ARHGAP32: variants seen among roughly 807,000 people sequenced by gnomAD.
ARHGAP32 encodes the protein rho GTPase-activating protein 32.
In ARHGAP32, 51 loss-of-function variants were observed where a neutral mutation model predicts 186.5. The observed-to-expected ratio is 0.27, with a 90% CI of 0.22 to 0.35. The LOEUF is 0.35. Among genes scored for constraint, ARHGAP32 ranks in the 10% least tolerant of loss-of-function variants. ARHGAP32 has a pLI of 1.00. For missense variants in ARHGAP32, 2,186 were observed against 2,623.5 expected, an observed-to-expected ratio of 0.83 and a Z score of 3.64; for synonymous variants, 950 against 964.3, an observed-to-expected ratio of 0.99 and a Z score of 0.27.
intron 1 of ARHGAP32, among the ~76,000 whole-genome samples, chr11:129,239,680 C>A (rs77218366): frequency 0.014 from 2,090 of 152,242 alleles, 17 homozygotes; most frequent in Non-Finnish European, 0.019. Flanking sequence ...TCACTTCCCA[C>A]ATTGCTGCTA....
Position 128,998,204 on chromosome 11 carries a change from T to C in ARHGAP32, c.1195+115A>G, listed in dbSNP as rs1412007885. ...TACCTGAGAAAGCTTAGTACATGCA[T>C]TGAACTGAAATGAAACAGGTATCAT... is the stretch of plus-strand genomic sequence containing the variant. On this transcript the variant is annotated intron_variant, in intron 12 of 22. Coordinates refer to ENST00000682385, the MANE Select transcript of ARHGAP32 (RefSeq NM_001378024.1). The C allele has an allele frequency of 1.0e-5, 9 of 877,730 alleles. No individual in the cohort carries two copies. The South Asian group carries it at 1.1e-4, about 10-fold the overall frequency. 54.4% of individuals were successfully genotyped at this position (877,730 alleles called of 1,614,324 possible).
intron 20 of ARHGAP32, 88 bp from the exon 21 acceptor site, chr11:128,975,090 T>G: frequency 3.7e-6 from 4 of 1,067,396 alleles, no homozygotes; most frequent in Non-Finnish European, 5.4e-6. Context: ...AGCAGTAACT[T>G]ACTATCTAGG....
chr11:129,041,612 G>A (rs545389334), intron 10 of ARHGAP32, among the ~76,000 whole-genome samples: 1 of 152,120 alleles, frequency 6.6e-6, no homozygotes, highest in African/African-American at 2.4e-5. Flanking sequence ...AAGTAAGAGA[G>A]AAGAAAACAG....
chr11:129,195,112 G>A (rs1214735177), upstream of ARHGAP32, among the ~76,000 whole-genome samples: 2 of 152,006 alleles, frequency 1.3e-5, no homozygotes, highest in Admixed American at 1.3e-4. Flanking sequence ...GGGATTATAA[G>A]TGTGTGCCAC....
intron 10 of ARHGAP32, among the ~76,000 whole-genome samples, chr11:129,047,618 GA>G (rs1038875205): frequency 2.0e-4 from 28 of 143,474 alleles, no homozygotes; most frequent in Middle Eastern, 3.6e-3. Flanking sequence ...TACTGCTGGA[GA>G]AAAAAAAAAA....
Position 129,063,925 on chromosome 11 carries a change from C to T in ARHGAP32, c.862G>A (p.Ala288Thr). 6.2e-7 allele frequency: 1 copy of T among 1,611,460 alleles called. No individual in the cohort carries two copies. The highest frequency in any genetic ancestry group is 8.5e-7 in the Non-Finnish European group (1 of 1,178,900). The part of the protein sequence containing the change: ...AHVIKRYTAR[A>T]PDELTLEVGD... ...ACCTCTAAGGTCAGTTCGTCAGGGG[C>T]CCGAGCAGTGTACCTCTTGATAACA... The change falls in exon 9 of 23, where the codon GCC (alanine) becomes ACC (threonine). Residue 288 changes from alanine to threonine, a missense_variant. By Grantham distance (58) the Ala-to-Thr change is moderately conservative (BLOSUM62 0). Coordinates refer to ENST00000682385, the MANE Select transcript of ARHGAP32 (RefSeq NM_001378024.1).
intron 5 of ARHGAP32, among the ~76,000 whole-genome samples, chr11:129,100,054 C>A (rs1426001985): frequency 6.6e-6 from 1 of 152,170 alleles, no homozygotes; most frequent in Non-Finnish European, 1.5e-5. Flanking sequence ...CAGAGACCCC[C>A]CTTTGACCAC....
rs967971313 is a variant in ARHGAP32, at chr11:129,147,124, C to T, written c.225+17195G>A. The stretch of plus-strand genomic sequence containing the variant: ...TTGCACTTATTTATTCAGAGTGATG[C>T]TTTATTTTTTTAAATAGAAGAAAGA... On this transcript the variant is annotated intron_variant, in intron 2 of 22. Transcript: ENST00000682385. 1.8e-4 allele frequency among the ~76,000 whole-genome samples: 27 copies of T among 152,080 alleles called. No homozygotes were observed. In the South Asian group the frequency reaches 2.3e-3, roughly 13 times the overall value.
Position 128,978,822 on chromosome 11 carries a change from C to T in ARHGAP32, c.2070G>A (p.Lys690=), listed in dbSNP as rs1218715212. 6.2e-7 allele frequency: 1 copy of T among 1,613,202 alleles called. No individual in the cohort carries two copies. The highest frequency in any genetic ancestry group is 8.5e-7 in the Non-Finnish European group (1 of 1,179,688). The change falls in exon 19 of 23, where the codon AAG becomes AAA. Residue 690 remains lysine (K), a synonymous_variant. Transcript: ENST00000682385. ...LGKSSSVSKR[K]LQRNESEPSE... ...AAGGCTCACTCTCATTCCGCTGCAG[C>T]TTTCGTTTAGAAACAGATGATGATT...
chr11:128,992,262 C>G (rs1946078024), intron 12 of ARHGAP32, among the ~76,000 whole-genome samples: 1 of 151,942 alleles, frequency 6.6e-6, no homozygotes, highest in South Asian at 2.1e-4. Flanking sequence ...ATATTTTGTA[C>G]CAAACATAAT....
At chr11:129,130,179 C>A (rs1337967720) in intron 2 of ARHGAP32, among the ~76,000 whole-genome samples, 1 of 151,998 alleles carries the variant, frequency 6.6e-6, no homozygotes. Context: ...CCAAAAAAGG[C>A]CCACACGTAT....
chr11:129,031,881 G>A (rs77291670), intron 11 of ARHGAP32, among the ~76,000 whole-genome samples: 6,322 of 152,246 alleles, frequency 0.042, 310 homozygotes, highest in African/African-American at 0.098. Context: ...AAGAGAAGCA[G>A]CCGGACGTTT....
chr11:129,027,936 T>G (rs7932430), intron 11 of ARHGAP32, among the ~76,000 whole-genome samples: 29,901 of 152,070 alleles, frequency 0.2, 3,092 homozygotes, highest in Non-Finnish European at 0.22. Flanking sequence ...AATGAATGAA[T>G]ATCGGAAATG....
chr11:129,144,393 T>C (rs1943125958), intron 2 of ARHGAP32, among the ~76,000 whole-genome samples: 1 of 148,938 alleles, frequency 6.7e-6, no homozygotes, highest in Non-Finnish European at 1.5e-5. Context: ...TTTTCAGCGT[T>C]ATGCACCTCC....
chr11:128,998,880 T>C (rs372509938), intron 11 of ARHGAP32, among the ~76,000 whole-genome samples: 1 of 152,226 alleles, frequency 6.6e-6, no homozygotes, highest in African/African-American at 2.4e-5. Flanking sequence ...TGGTTTCCTA[T>C]GCCTGTCTTT....
Position 129,129,629 on chromosome 11 carries a change from T to G in ARHGAP32, c.226-4735A>C, listed in dbSNP as rs527624097. ...TGGGGAAAAGAAAGAGAGATCAGAT[T>G]GTTACTGTGTCTGTGTAGAAAGAAG... On this transcript the variant is annotated intron_variant, in intron 2 of 22. Coordinates refer to ENST00000682385, the MANE Select transcript of ARHGAP32 (RefSeq NM_001378024.1). 2.6e-5 allele frequency among the ~76,000 whole-genome samples: 4 copies of G among 152,324 alleles called. No individual in the cohort carries two copies. The South Asian group carries it at 6.2e-4, about 24-fold the overall frequency.
intron 2 of ARHGAP32, among the ~76,000 whole-genome samples, chr11:129,142,192 C>T (rs1201412372): frequency 6.6e-6 from 1 of 152,086 alleles, no homozygotes; most frequent in African/African-American, 2.4e-5. Flanking sequence ...GGAAGAAATA[C>T]CCCGGCTCTT....
intron 10 of ARHGAP32, 135 bp downstream of exon 10, chr11:129,062,145 T>C (rs1940525871): frequency 1.4e-6 from 1 of 690,610 alleles, no homozygotes; most frequent in Non-Finnish European, 2.6e-6. Flanking sequence ...TTATCATTAC[T>C]ATCTGCATTT....
At chr11:129,104,987 T>C (rs1292447936) in intron 5 of ARHGAP32, among the ~76,000 whole-genome samples, 2 of 152,294 alleles carry the variant, frequency 1.3e-5, no homozygotes, top group East Asian at 1.9e-4. Flanking sequence ...AGACAGACCC[T>C]ATTCACAAAC....
Sources: gnomAD v4.1 joint callset for allele counts (sites outside exome capture counted in the v4.1 genomes callset) on GRCh38, gnomAD v4.1.1 for gene constraint, MANE v1.5 for transcripts, NCBI Gene and HGNC (gene_info 2026-07-23, HGNC 2026-07-21) for gene names.